RET: variants seen among roughly 807,000 people sequenced by gnomAD.
The protein encoded by RET is proto-oncogene tyrosine-protein kinase receptor Ret.
In RET, 19 loss-of-function variants were observed where a neutral mutation model predicts 118.3. The observed-to-expected ratio is 0.16, with a 90% CI of 0.11 to 0.24. The LOEUF is 0.24. Ranked by LOEUF, RET falls within the 10% of genes least tolerant of loss-of-function variation. The pLI is 1.00. For missense variants in RET, 1,219 were observed against 1,502.1 expected, an observed-to-expected ratio of 0.81 and a Z score of 3.12; for synonymous variants, 597 against 644.1, an observed-to-expected ratio of 0.93 and a Z score of 1.11.
intron 8 of RET, 51 bp from the exon 9 acceptor site, chr10:43,112,802 C>A (rs368382176): frequency 7.0e-7 from 1 of 1,433,160 alleles, no homozygotes; most frequent in Non-Finnish European, 9.8e-7. Flanking sequence ...GTGGTGGGGG[C>A]GTGTGGCGGG....
intron 1 of RET, among the ~76,000 whole-genome samples, chr10:43,088,027 TAGTG>T (rs956108201): frequency 5.3e-5 from 8 of 152,068 alleles, no homozygotes; most frequent in Non-Finnish European, 8.8e-5. Context: ...GAAGTCATGA[TAGTG>T]AGTGGTGGTT....
chr10:43,118,578 C>CGGA, intron 13 of RET, 98 bp downstream of exon 13: 1 of 910,014 alleles, frequency 1.1e-6, no homozygotes, highest in Non-Finnish European at 1.8e-6. Flanking sequence ...CCTACTGCTC[C>CGGA]TGCCCTGTTT....
At chr10:43,103,836 A>T (rs1837695851) in intron 3 of RET, among the ~76,000 whole-genome samples, 1 of 152,206 alleles carries the variant, frequency 6.6e-6, no homozygotes, top group Admixed American at 6.5e-5. Context: ...CACATACGTA[A>T]TTCATGCGCA....
chr10:43,126,941 C>T, intron 19 of RET: 3 of 1,427,630 alleles, frequency 2.1e-6, no homozygotes, highest in Non-Finnish European at 2.7e-6. Flanking sequence ...GTGTAATTAC[C>T]ACATTGCCCA....
chr10:43,084,454 G>A (rs916181651), intron 1 of RET, among the ~76,000 whole-genome samples: 14 of 152,196 alleles, frequency 9.2e-5, no homozygotes, highest in Admixed American at 2.6e-4. Context: ...GCCTTTCCCC[G>A]GTGATGGCGT....
In RET at chr10:43,126,567, T is replaced by C. The variant is rs2133032145; in HGVS notation, c.3040-8T>C. On this transcript the variant is annotated splice_polypyrimidine_tract_variant and splice_region_variant and intron_variant, in intron 18 of 19. Coordinates refer to ENST00000355710, the MANE Select transcript of RET (RefSeq NM_020975.6). ...GGCTTGGAGTGACCGGCCATCTCTG[T>C]CTTCCAGGACTACTTGGACCTTGCG... The C allele has an allele frequency of 6.2e-7, 1 of 1,613,450 alleles. No individual in the cohort carries two copies. The highest frequency in any genetic ancestry group is 1.3e-5 in the African/African-American group (1 of 75,022).
At chr10:43,105,345 T>TAGGGGG in intron 4 of RET, 152 bp downstream of exon 4, 4 of 1,239,832 alleles carry the variant, frequency 3.2e-6, no homozygotes. Context: ...CCGTCTGTCC[T>TAGGGGG]AGGGGGAGGG....
chr10:43,082,003 A>T (rs762361703), intron 1 of RET, among the ~76,000 whole-genome samples: 1 of 151,990 alleles, frequency 6.6e-6, no homozygotes, highest in Non-Finnish European at 1.5e-5. Flanking sequence ...GGGCACTTGG[A>T]TTGGCGCTGA....
chr10:43,105,571 A>T (rs1051770696), intron 4 of RET, among the ~76,000 whole-genome samples: 1 of 152,100 alleles, frequency 6.6e-6, no homozygotes, highest in African/African-American at 2.4e-5. Context: ...AGAGCCGGGG[A>T]TTGGAGAAGG....
At chr10:43,094,096 G>A (rs1837468263) in intron 1 of RET, among the ~76,000 whole-genome samples, 2 of 150,980 alleles carry the variant, frequency 1.3e-5, no homozygotes, top group African/African-American at 2.4e-5. Flanking sequence ...AGCGGTGGGG[G>A]GGTGGGGGTG....
At chr10:43,107,592 CACACACACA>C (rs1837812930) in intron 5 of RET, among the ~76,000 whole-genome samples, 1 of 151,380 alleles carries the variant, frequency 6.6e-6, no homozygotes, top group Non-Finnish European at 1.5e-5. Context: ...CACACACACA[CACACACACA>C]CCCTGTTACC....
At chr10:43,099,841 C>T (rs1017546666) in intron 1 of RET, among the ~76,000 whole-genome samples, 1 of 152,186 alleles carries the variant, frequency 6.6e-6, no homozygotes, top group African/African-American at 2.4e-5. Context: ...CAGGTGTTTG[C>T]GTGTATCCAT....
At chr10:43,099,005 T>C (rs2505533) in intron 1 of RET, among the ~76,000 whole-genome samples, 119,495 of 152,124 alleles carry the variant, frequency 0.79, 47,969 homozygotes, top group African/African-American at 0.95. Flanking sequence ...ATTTTCCATT[T>C]TCACCGACAA....
Position 43,105,032 on chromosome 10 carries a change from A to G in RET, c.706A>G (p.Lys236Glu). ...RWALDREQRE[K>E]YELVAVCTVH... ...GGCCCTGGACCGCGAGCAGCGGGAG[A>G]AGTACGAGCTGGTGGCCGTGTGCAC... Residue 236 changes from lysine to glutamate, a missense_variant, in exon 4 of 20, where the codon AAG (lysine) becomes GAG (glutamate). Physicochemically the swap from Lys to Glu is moderately conservative, Grantham distance 56. This residue lies in a region of RET where 850 missense variants were observed against 969.6 expected (regional missense o/e 0.88). Coordinates refer to ENST00000355710, the MANE Select transcript of RET (RefSeq NM_020975.6). The G allele has an allele frequency of 6.2e-7, 1 of 1,604,766 alleles. No homozygotes were observed. Among genetic ancestry groups the G allele is most frequent in the Non-Finnish European group, 8.5e-7 (1 of 1,178,926 alleles).
At position 43,090,880 on chromosome 10, in the gene RET, G is replaced by A. The variant is rs141797529; in HGVS notation, c.74-9579G>A. ...CCTCACACCTGCCTAGAGATGGCGC[G>A]CTCCCTAGCCAGTCAGGGCGCTCTC... On this transcript the variant is annotated intron_variant, in intron 1 of 19. Transcript: ENST00000355710. Among the ~76,000 whole-genome samples, 459 of 149,900 alleles carry A rather than the reference G, an allele frequency of 3.1e-3. 1 individual carries two copies. The highest frequency in any genetic ancestry group is 4.3e-3 in the Non-Finnish European group (290 of 67,674).
At chr10:43,121,714 G>A (rs991576219) in intron 15 of RET, among the ~76,000 whole-genome samples, 2 of 152,172 alleles carry the variant, frequency 1.3e-5, no homozygotes, top group Non-Finnish European at 2.9e-5. Context: ...AGCTGGCCCT[G>A]TGTGCCTGTG....
intron 1 of RET, among the ~76,000 whole-genome samples, chr10:43,099,776 C>T (rs896977513): frequency 7.2e-5 from 11 of 152,300 alleles, no homozygotes; most frequent in East Asian, 3.9e-4. Flanking sequence ...ATGCCATGTG[C>T]GCTCTTCTCT....
chr10:43,127,595 C>A, intron 19 of RET: 1 of 451,782 alleles, frequency 2.2e-6, no homozygotes, highest in Non-Finnish European at 3.0e-6. Context: ...TGCATGCCTC[C>A]TGACTCACTG....
At chr10:43,078,735 G>C (rs1439426334) in intron 1 of RET, among the ~76,000 whole-genome samples, 2 of 152,246 alleles carry the variant, frequency 1.3e-5, no homozygotes, top group Non-Finnish European at 2.9e-5. Context: ...CGTTCAGTTG[G>C]GGTGGCCAGT....
Sources: gnomAD v4.1 joint callset for allele counts (sites outside exome capture counted in the v4.1 genomes callset) on GRCh38, gnomAD v4.1.1 for gene constraint, gnomAD v4.1.1 regional missense constraint, MANE v1.5 for transcripts, NCBI Gene and HGNC (gene_info 2026-07-23, HGNC 2026-07-21) for gene names.